The following PRELID2 variants were observed in gnomAD, a reference collection of about 807,000 sequenced individuals.
PRELID2 encodes PRELI domain containing 2, also known as PRELI domain-containing protein 2.
PRELID2 carries 25 observed loss-of-function variants against 28.4 expected under a neutral mutation model. That is an observed-to-expected ratio of 0.88 (90% CI 0.64 to 1.23). PRELID2 has a LOEUF of 1.23. Among genes scored for constraint, PRELID2 ranks in the 50% most tolerant of loss-of-function variants. PRELID2 has a pLI of 0.00. For synonymous variants in PRELID2, 76 were observed against 71.6 expected, an observed-to-expected ratio of 1.06 and a Z score of -0.31; for missense variants, 201 against 214.4, an observed-to-expected ratio of 0.94 and a Z score of 0.39.
At chr5:145,790,721 G>GTGTGTGTGTGTATATATATATATATATA (rs772901344) in intron 5 of PRELID2, among the ~76,000 whole-genome samples, 3 of 110,910 alleles carry the variant, frequency 2.7e-5, no homozygotes, top group African/African-American at 9.2e-5. Context: ...GTGTGTGTGT[G>GTGTGTGTGTGTATATATATATATATATA]TATATATATA....
At chr5:145,542,748 A>G (rs13181111) in intron 1 of PRELID2, among the ~76,000 whole-genome samples, 57 of 98,426 alleles carry the variant, frequency 5.8e-4, no homozygotes, top group African/African-American at 2.0e-3. Flanking sequence ...TATACATTGT[A>G]ATTTCTTTCT....
At chr5:145,658,598 A>T (rs927276308) in intron 1 of PRELID2, among the ~76,000 whole-genome samples, 1 of 151,130 alleles carries the variant, frequency 6.6e-6, no homozygotes, top group African/African-American at 2.4e-5. Context: ...CCTCTCTCTC[A>T]CTCTCTCTCT....
At chr5:145,768,309 A>C (rs1757899803) in intron 5 of PRELID2, among the ~76,000 whole-genome samples, 2 of 151,916 alleles carry the variant, frequency 1.3e-5, no homozygotes, top group Admixed American at 6.6e-5. Flanking sequence ...ATTTAACTAA[A>C]TTCTTAACAG....
chr5:145,299,303 A>G, the PRELID2 span, among the ~76,000 whole-genome samples: 1 of 148,990 alleles, frequency 6.7e-6, no homozygotes, highest in Admixed American at 6.6e-5. Context: ...TCTCATAAAT[A>G]TCATCATTAT....
At chr5:145,392,301 A>C in the PRELID2 span, among the ~76,000 whole-genome samples, 1 of 152,158 alleles carries the variant, frequency 6.6e-6, no homozygotes, top group East Asian at 1.9e-4. Flanking sequence ...TCTTCTTCAC[A>C]AGGCAGCAGG....
At chr5:145,371,488 T>C in the PRELID2 span, among the ~76,000 whole-genome samples, 19 of 152,256 alleles carry the variant, frequency 1.2e-4, no homozygotes, top group East Asian at 3.7e-3. Context: ...ATTACATTTT[T>C]GATGTGCTGC....
intron 1 of PRELID2, among the ~76,000 whole-genome samples, chr5:145,519,180 A>G (rs1166026599): frequency 1.3e-5 from 2 of 152,208 alleles, no homozygotes; most frequent in Non-Finnish European, 2.9e-5. Flanking sequence ...GACTTCTTTT[A>G]TAATTCACAA....
intron 1 of PRELID2, among the ~76,000 whole-genome samples, chr5:145,647,417 G>C (rs888988005): frequency 2.0e-5 from 3 of 152,078 alleles, no homozygotes; most frequent in African/African-American, 7.2e-5. Context: ...TGCTGTGCTG[G>C]TAGTGAGAAT....
chr5:145,329,083 G>C, the PRELID2 span, among the ~76,000 whole-genome samples: 20 of 151,948 alleles, frequency 1.3e-4, no homozygotes, highest in Non-Finnish European at 2.4e-4. Flanking sequence ...ATCAGATGGT[G>C]GTAGATGTGT....
chr5:145,595,175 C>CATACACACACACACACACAT (rs749753479), intron 1 of PRELID2, among the ~76,000 whole-genome samples: 3 of 150,792 alleles, frequency 2.0e-5, no homozygotes, highest in East Asian at 1.9e-4. Flanking sequence ...CACACACACA[C>CATACACACACACACACACAT]ACACACACAC....
At chr5:145,369,761 C>G in the PRELID2 span, among the ~76,000 whole-genome samples, 1 of 152,082 alleles carries the variant, frequency 6.6e-6, no homozygotes, top group East Asian at 1.9e-4. Context: ...GCTCCTATCT[C>G]TCCACAGCCT....
chr5:145,463,630 C>G, the PRELID2 span, among the ~76,000 whole-genome samples: 1 of 152,132 alleles, frequency 6.6e-6, no homozygotes, highest in Non-Finnish European at 1.5e-5. Flanking sequence ...AAATCACTGT[C>G]TACTGGTGAC....
chr5:145,623,276 C>T (rs534815585), intron 1 of PRELID2, among the ~76,000 whole-genome samples: 15 of 151,684 alleles, frequency 9.9e-5, no homozygotes, highest in East Asian at 1.9e-4. Flanking sequence ...GGCGAAACCC[C>T]GTCTCTACTA....
chr5:145,511,205 T>A (rs1752457979), intron 1 of PRELID2, among the ~76,000 whole-genome samples: 1 of 152,226 alleles, frequency 6.6e-6, no homozygotes. Context: ...TTTCATCTGC[T>A]GTTTGTGATG....
chr5:145,525,185 C>T (rs568219518), intron 1 of PRELID2, among the ~76,000 whole-genome samples: 3 of 152,120 alleles, frequency 2.0e-5, no homozygotes, highest in Non-Finnish European at 4.4e-5. Context: ...AAGTGATTTG[C>T]CCAACATCAG....
chr5:145,792,379 G>C (rs1281761356), intron 5 of PRELID2, among the ~76,000 whole-genome samples: 1 of 152,172 alleles, frequency 6.6e-6, no homozygotes, highest in Non-Finnish European at 1.5e-5. Flanking sequence ...GCCAAGGACA[G>C]TGCTTGGCAT....
At chr5:145,593,591 GA>G (rs1192576194) in intron 1 of PRELID2, among the ~76,000 whole-genome samples, 1 of 151,992 alleles carries the variant, frequency 6.6e-6, no homozygotes, top group Non-Finnish European at 1.5e-5. Flanking sequence ...GAAAACTAAT[GA>G]AAAAGAAAAG....
chr5:145,607,710 T>C (rs1753525007), intron 1 of PRELID2, among the ~76,000 whole-genome samples: 1 of 152,168 alleles, frequency 6.6e-6, no homozygotes, highest in African/African-American at 2.4e-5. Flanking sequence ...GGGAAGAATG[T>C]ATATTCTGAT....
chr5:145,286,696 GTTTTTGTTTTTTTTTGTTTGTTTGTTTGT>G, the PRELID2 span, among the ~76,000 whole-genome samples: 63 of 116,996 alleles, frequency 5.4e-4, 3 homozygotes, highest in African/African-American at 2.4e-3. Flanking sequence ...CAACATAGAA[GTTTTTGTTTTTTTTTGTTTGTTTGTTTGT>G]TTTTTTTTTT....
Sources: allele counts gnomAD v4.1 joint callset (sites outside exome capture counted in the v4.1 genomes callset), GRCh38; gene constraint gnomAD v4.1.1; transcripts MANE v1.5; gene names NCBI Gene and HGNC (gene_info 2026-07-23, HGNC 2026-07-21).